CEP85: variants seen among roughly 807,000 people sequenced by gnomAD.
The protein encoded by CEP85 is centrosomal protein of 85 kDa.
In CEP85, 58 loss-of-function variants were observed where a neutral mutation model predicts 93.7. The observed-to-expected ratio is 0.62, with a 90% CI of 0.50 to 0.77. The LOEUF is 0.77. CEP85 is among the 30% of genes least tolerant of loss of function. The pLI is 0.00. For synonymous variants in CEP85, 314 were observed against 338.6 expected (o/e 0.93, Z 0.80); for missense variants, 868 against 922.0 (o/e 0.94, Z 0.76).
intron 3 of CEP85, among the ~76,000 whole-genome samples, chr1:26,245,311 C>T (rs1449473376): frequency 6.6e-6 from 1 of 151,958 alleles, no homozygotes; most frequent in Non-Finnish European, 1.5e-5. Flanking sequence ...GCTGGGATTA[C>T]AGGCTGGAAC....
rs2090067678 is a variant in CEP85, at chr1:26,277,261, C to G, written c.2254C>G (p.Gln752Glu). 1.2e-6 allele frequency: 2 copies of G among 1,614,080 alleles called. No homozygotes were observed. The highest frequency in any genetic ancestry group is 8.5e-7 in the Non-Finnish European group (1 of 1,179,928). The part of the protein sequence containing the change: ...LRTTMSDRYA[Q>E]DMGENCVTQ Reference sequence around the variant, plus strand: ...GACCACCATGTCAGACAGATATGCCCAGGACATGGGAGAAAACTGTGTCAC... The same window carrying G: ...GACCACCATGTCAGACAGATATGCCGAGGACATGGGAGAAAACTGTGTCAC... The change falls in exon 14 of 14, where the codon CAG becomes GAG. Residue 752 changes from glutamine to glutamate, a missense_variant. Gln to Glu is a conservative substitution (Grantham distance 29, BLOSUM62 2). Coordinates refer to ENST00000451429, the MANE Select transcript of CEP85 (RefSeq NM_001319944.2).
At chr1:26,245,032 G>A (rs1033598963) in intron 3 of CEP85, among the ~76,000 whole-genome samples, 2 of 151,876 alleles carry the variant, frequency 1.3e-5, no homozygotes, top group African/African-American at 4.8e-5. Context: ...TGAACGTAAA[G>A]TCCTGTTTTT....
chr1:26,259,863 A>G lies in CEP85; in HGVS notation c.1341+61A>G. On this transcript the variant is annotated intron_variant, in intron 7 of 13. Transcript: ENST00000451429. ...GAGTTGGCAGTCAGCTGTCTACTCTAAAGCCTAAGCTGTTTCTGGCCTGGA... is the reference window on the plus strand; with the variant it reads ...GAGTTGGCAGTCAGCTGTCTACTCTGAAGCCTAAGCTGTTTCTGGCCTGGA... The G allele has an allele frequency of 2.1e-6, 3 of 1,413,180 alleles. No individual in the cohort carries two copies. In the South Asian group the frequency reaches 4.2e-5, roughly 20 times the overall value. The allele number at this position is 1,413,180 out of a possible 1,614,324, so 87.5% of individuals were successfully genotyped here.
At chr1:26,248,722 CTTTTTTTTTTTTTTTTT>C (rs573449499) in intron 3 of CEP85, among the ~76,000 whole-genome samples, 2 of 56,194 alleles carry the variant, frequency 3.6e-5, no homozygotes, top group African/African-American at 8.1e-5. Context: ...GTCTTGAACT[CTTTTTTTTTTTTTTTTT>C]TTTTTGAGAC....
chr1:26,239,665 T>G, intron 1 of CEP85, 97 bp from the exon 2 acceptor site: 1 of 787,796 alleles, frequency 1.3e-6, no homozygotes, highest in Non-Finnish European at 2.2e-6. Flanking sequence ...TACTTGAATA[T>G]TCTATATGGT....
intron 2 of CEP85, among the ~76,000 whole-genome samples, chr1:26,241,632 T>G (rs1300669292): frequency 6.6e-6 from 1 of 152,192 alleles, no homozygotes; most frequent in East Asian, 1.9e-4. Context: ...ATAATGCAAG[T>G]TTTTGGAACA....
rs141036214 is a variant in CEP85, at chr1:26,237,441, A to G, written c.-22-2321A>G. Among the ~76,000 whole-genome samples, 19 of 152,302 alleles carry G rather than the reference A, an allele frequency of 1.2e-4. No individual in the cohort carries two copies. The East Asian group carries it at 3.7e-3, about 29-fold the overall frequency. The stretch of plus-strand genomic sequence containing the variant: ...ATGGATTTGCCTATTCTGACATTTC[A>G]TATAAATAGGATCAAGCCTTTTGTT... On this transcript the variant is annotated intron_variant, in intron 1 of 13. Coordinates refer to ENST00000451429, the MANE Select transcript of CEP85 (RefSeq NM_001319944.2).
intron 2 of CEP85, among the ~76,000 whole-genome samples, chr1:26,241,628 C>T (rs1049347628): frequency 6.6e-6 from 1 of 152,152 alleles, no homozygotes; most frequent in South Asian, 2.1e-4. Context: ...GTATATAATG[C>T]AAGTTTTTGG....
intron 6 of CEP85, among the ~76,000 whole-genome samples, chr1:26,259,183 A>G (rs953051079): frequency 6.6e-6 from 1 of 152,244 alleles, no homozygotes; most frequent in Non-Finnish European, 1.5e-5. Flanking sequence ...AACCTGAGAA[A>G]GAGGAAGACC....
intron 7 of CEP85, among the ~76,000 whole-genome samples, chr1:26,263,679 C>CA (rs1003596090): frequency 5.2e-4 from 74 of 142,666 alleles, no homozygotes; most frequent in Admixed American, 1.1e-3. Flanking sequence ...GACATTGTCT[C>CA]AAAAAAAAAA....
chr1:26,241,389 C>G (rs12727321), intron 2 of CEP85, among the ~76,000 whole-genome samples: 80,417 of 151,506 alleles, frequency 0.53, 22,589 homozygotes, highest in Non-Finnish European at 0.65. Flanking sequence ...ACTACAGGTG[C>G]CCGCCACCAT....
chr1:26,247,314 C>T (rs2089525980), intron 3 of CEP85, among the ~76,000 whole-genome samples: 1 of 152,064 alleles, frequency 6.6e-6, no homozygotes, highest in Admixed American at 6.6e-5. Context: ...TATACTAAAA[C>T]CCATTGAATT....
chr1:26,270,798 T>A (rs1336072744), intron 9 of CEP85, among the ~76,000 whole-genome samples: 2 of 152,240 alleles, frequency 1.3e-5, no homozygotes. Flanking sequence ...AGAATTGGTG[T>A]CACATTGTAT....
At chr1:26,248,028 T>C (rs2089538045) in intron 3 of CEP85, among the ~76,000 whole-genome samples, 2 of 152,116 alleles carry the variant, frequency 1.3e-5, no homozygotes, top group African/African-American at 4.8e-5. Context: ...AACTATTGAG[T>C]AGAATTGAAT....
chr1:26,264,715 C>T (rs978117961), intron 7 of CEP85, among the ~76,000 whole-genome samples: 2 of 152,108 alleles, frequency 1.3e-5, no homozygotes, highest in African/African-American at 4.8e-5. Context: ...AACCTGCTGC[C>T]TGGTGGAGAG....
intron 6 of CEP85, among the ~76,000 whole-genome samples, chr1:26,259,104 A>G (rs927902780): frequency 1.3e-5 from 2 of 152,228 alleles, no homozygotes; most frequent in African/African-American, 4.8e-5. Context: ...ATAGAATCAG[A>G]ATGTTAAGAG....
chr1:26,255,995 A>G, intron 4 of CEP85, 130 bp downstream of exon 4: 1 of 803,830 alleles, frequency 1.2e-6, no homozygotes, highest in South Asian at 2.0e-5. Context: ...TAGACAGGAA[A>G]TACAGGCTTG....
chr1:26,251,573 C>G (rs2124575691), intron 3 of CEP85, among the ~76,000 whole-genome samples: 1 of 152,222 alleles, frequency 6.6e-6, no homozygotes, highest in East Asian at 1.9e-4. Context: ...TTATAACAAC[C>G]CACTGCTTTG....
chr1:26,249,541 A>G (rs10902724), intron 3 of CEP85, among the ~76,000 whole-genome samples: 133,539 of 152,228 alleles, frequency 0.88, 59,540 homozygotes, highest in Non-Finnish European at 0.93. Context: ...TTTTACCTTG[A>G]AAGATTCTCG....
Sources: gnomAD v4.1 joint callset for allele counts (sites outside exome capture counted in the v4.1 genomes callset) on GRCh38, gnomAD v4.1.1 for gene constraint, MANE v1.5 for transcripts, NCBI Gene and HGNC (gene_info 2026-07-23, HGNC 2026-07-21) for gene names.